PAG1: variants seen among roughly 807,000 people sequenced by gnomAD.
The protein encoded by PAG1 is phosphoprotein membrane anchor with glycosphingolipid microdomains 1, also known as phosphoprotein associated with glycosphingolipid-enriched microdomains 1.
A neutral mutation model predicts 31.7 loss-of-function variants in PAG1; 23 were observed. The ratio of observed to expected loss-of-function variants is 0.73; its 90% CI spans 0.52 to 1.03. The LOEUF is 1.03. PAG1 is among the 50% of genes least tolerant of loss of function. The probability of loss-of-function intolerance (pLI) is 0.00; values close to 1 mark genes in which losing one functional copy is unlikely to be tolerated. For synonymous variants in PAG1, 214 were observed against 210.3 expected (o/e 1.02, Z -0.15); for missense variants, 473 against 540.7 (o/e 0.87, Z 1.24).
chr8:81,075,648 C>T (rs1254830884), intron 1 of PAG1, among the ~76,000 whole-genome samples: 1 of 152,144 alleles, frequency 6.6e-6, no homozygotes, highest in Admixed American at 6.6e-5. Flanking sequence ...GATGGGGAAA[C>T]TGAGGCCTAG....
In PAG1 at chr8:80,982,823, C is replaced by T. The variant is rs114488754; in HGVS notation, c.876+1953G>A. 5.9e-3 allele frequency among the ~76,000 whole-genome samples: 892 copies of T among 152,302 alleles called. 15 individuals are homozygous for T. The highest frequency in any genetic ancestry group is 0.02 in the African/African-American group (841 of 41,544). ...TCTTTATCTCACTAAGCGTAGGATC[C>T]ATCCGCAAATCTCTTGGCTCTGGCT... On this transcript the variant is annotated intron_variant, in intron 7 of 8. Transcript: ENST00000220597.
chr8:81,103,386 T>G (rs1477867593), intron 1 of PAG1, among the ~76,000 whole-genome samples: 1 of 152,170 alleles, frequency 6.6e-6, no homozygotes, highest in Non-Finnish European at 1.5e-5. Flanking sequence ...CCAGGACACC[T>G]CATTTTGGAT....
intron 1 of PAG1, among the ~76,000 whole-genome samples, chr8:81,089,004 A>G (rs1178330652): frequency 6.6e-6 from 1 of 152,354 alleles, no homozygotes; most frequent in East Asian, 1.9e-4. Flanking sequence ...TGATTTTTAC[A>G]AGTGGAGATT....
Position 80,975,513 on chromosome 8 carries a change from T to G in PAG1, c.*1031A>C, listed in dbSNP as rs765961407. The G allele has an allele frequency of 3.9e-5, 6 of 152,234 alleles. No individual in the cohort carries two copies. The highest frequency in any genetic ancestry group is 7.3e-5 in the Non-Finnish European group (5 of 68,044). The allele number at this position is 152,234 out of a possible 1,614,324, so 9.4% of individuals were successfully genotyped here. On this transcript the variant is annotated 3_prime_UTR_variant, in exon 9 of 9. Transcript: ENST00000220597. Reference sequence around the variant, plus strand: ...AAAAATAAATGTTTACATTTTAATCTTAGATTACCTTAGGGTAGCAGTTAA... The same window carrying G: ...AAAAATAAATGTTTACATTTTAATCGTAGATTACCTTAGGGTAGCAGTTAA...
chr8:81,008,622 AG>A (rs1357674905), intron 3 of PAG1, among the ~76,000 whole-genome samples: 1 of 150,844 alleles, frequency 6.6e-6, no homozygotes, highest in Non-Finnish European at 1.5e-5. Context: ...TAAAAGGGTA[AG>A]GTGAACCTGA....
chr8:81,104,473 C>T (rs929538549), intron 1 of PAG1, among the ~76,000 whole-genome samples: 1 of 151,478 alleles, frequency 6.6e-6, no homozygotes, highest in African/African-American at 2.4e-5. Context: ...ACTTGCAAAC[C>T]TGCATTTCCA....
intron 3 of PAG1, among the ~76,000 whole-genome samples, chr8:81,029,247 G>A (rs1419892694): frequency 6.6e-6 from 1 of 152,140 alleles, no homozygotes; most frequent in African/African-American, 2.4e-5. Context: ...AGCTGCTTCT[G>A]TTAAGCCTTT....
chr8:81,052,669 T>C (rs552234594), intron 2 of PAG1, among the ~76,000 whole-genome samples: 1 of 152,374 alleles, frequency 6.6e-6, no homozygotes, highest in Non-Finnish European at 1.5e-5. Context: ...ATATTAATCT[T>C]TAAGATCAAT....
chr8:80,991,473 G>T lies in PAG1; in HGVS notation c.177+6C>A. 1 of 1,609,920 alleles carries T rather than the reference G, an allele frequency of 6.2e-7. No individual in the cohort carries two copies. The highest frequency in any genetic ancestry group is 8.5e-7 in the Non-Finnish European group (1 of 1,176,204). On this transcript the variant is annotated splice_donor_region_variant and intron_variant, in intron 5 of 8. Transcript: ENST00000220597. ...ACAGACAGGCAGACGACACGCGCAG[G>T]CTCACCACGTTCATCAGGTTCTCAT...
At chr8:81,094,540 C>G (rs1016207451) in intron 1 of PAG1, among the ~76,000 whole-genome samples, 5 of 152,076 alleles carry the variant, frequency 3.3e-5, no homozygotes, top group African/African-American at 1.2e-4. Flanking sequence ...AATTATGCTA[C>G]CCCTTAAACC....
chr8:81,042,176 T>G (rs962588408), intron 2 of PAG1, among the ~76,000 whole-genome samples: 2 of 152,206 alleles, frequency 1.3e-5, no homozygotes, highest in African/African-American at 4.8e-5. Context: ...AACTATACTC[T>G]GCTGAGGCCA....
At chr8:81,097,259 AACC>A (rs1348547465) in intron 1 of PAG1, among the ~76,000 whole-genome samples, 2 of 152,172 alleles carry the variant, frequency 1.3e-5, no homozygotes, top group Non-Finnish European at 2.9e-5. Flanking sequence ...CAACATGGAG[AACC>A]ACCCTCTAAA....
At chr8:80,988,746 C>G (rs1192931835) in intron 5 of PAG1, among the ~76,000 whole-genome samples, 1 of 152,162 alleles carries the variant, frequency 6.6e-6, no homozygotes, top group East Asian at 1.9e-4. Flanking sequence ...GCCACTGTGC[C>G]CAGCTCTGCA....
intron 1 of PAG1, among the ~76,000 whole-genome samples, chr8:81,078,526 GAC>G (rs1809213346): frequency 2.6e-5 from 4 of 152,128 alleles, no homozygotes; most frequent in Admixed American, 2.0e-4. Context: ...TTGGAAAAGA[GAC>G]ACATTTTCTT....
At position 81,000,969 on chromosome 8, in the gene PAG1, C is replaced by A. The variant is rs1282686609; in HGVS notation, c.-80-7662G>T. On this transcript the variant is annotated intron_variant, in intron 3 of 8. Coordinates refer to ENST00000220597, the MANE Select transcript of PAG1 (RefSeq NM_018440.4). ...TCACACCTTCTCCAGCTCCTAGGTT[C>A]CTCACACAAGCCTCAAGGGGGCTGG... is the stretch of plus-strand genomic sequence containing the variant. 3.9e-5 allele frequency among the ~76,000 whole-genome samples: 6 copies of A among 152,334 alleles called. No individual in the cohort carries two copies. In the East Asian group the frequency reaches 1.2e-3, roughly 29 times the overall value.
At chr8:81,037,434 A>C (rs1474801816) in intron 2 of PAG1, among the ~76,000 whole-genome samples, 1 of 152,244 alleles carries the variant, frequency 6.6e-6, no homozygotes, top group African/African-American at 2.4e-5. Flanking sequence ...CTTGGATATG[A>C]ATTCCTTGCA....
At chr8:80,979,421 G>A (rs1257400400) in intron 8 of PAG1, among the ~76,000 whole-genome samples, 1 of 152,164 alleles carries the variant, frequency 6.6e-6, no homozygotes, top group Admixed American at 6.5e-5. Context: ...AGGTGCAACT[G>A]ATGGGTCTTG....
At chr8:81,037,983 C>T (rs76485256) in intron 2 of PAG1, among the ~76,000 whole-genome samples, 4,473 of 152,288 alleles carry the variant, frequency 0.029, 84 homozygotes, top group Non-Finnish European at 0.042. Context: ...GCATCATGGG[C>T]AGCTAACTGG....
At chr8:81,039,740 C>T (rs1188085017) in intron 2 of PAG1, among the ~76,000 whole-genome samples, 1 of 152,172 alleles carries the variant, frequency 6.6e-6, no homozygotes, top group Non-Finnish European at 1.5e-5. Flanking sequence ...GAGGTTTACA[C>T]ATCAATCCAT....
Sources: allele counts gnomAD v4.1 joint callset (sites outside exome capture counted in the v4.1 genomes callset), GRCh38; gene constraint gnomAD v4.1.1; transcripts MANE v1.5; gene names NCBI Gene and HGNC (gene_info 2026-07-23, HGNC 2026-07-21).